The following SEMA3E variants were observed in gnomAD, a reference collection of about 807,000 sequenced individuals.
SEMA3E encodes the protein semaphorin-3E.
SEMA3E carries 49 observed loss-of-function variants against 93.6 expected under a neutral mutation model. That is an observed-to-expected ratio of 0.52 (90% confidence interval 0.42 to 0.66). The LOEUF is 0.66. Ranked by LOEUF, SEMA3E falls within the 30% of genes least tolerant of loss-of-function variation. The pLI is 0.00. For missense variants in SEMA3E, 906 were observed against 964.8 expected, an observed-to-expected ratio of 0.94 and a Z score of 0.81; for synonymous variants, 363 against 330.7, an observed-to-expected ratio of 1.10 and a Z score of -1.06.
chr7:83,506,025 A>AT, intron 1 of SEMA3E, among the ~76,000 whole-genome samples: 1 of 130,930 alleles, frequency 7.6e-6, no homozygotes. Flanking sequence ...CAAAAAAAAA[A>AT]AAAAAAAATA....
At chr7:83,535,368 T>G (rs551188188) in intron 1 of SEMA3E, among the ~76,000 whole-genome samples, 1 of 150,980 alleles carries the variant, frequency 6.6e-6, no homozygotes, top group East Asian at 2.0e-4. Flanking sequence ...ACCCATGCAA[T>G]TAAACATGAC....
chr7:83,623,568 G>A (rs912628639), intron 1 of SEMA3E, among the ~76,000 whole-genome samples: 1 of 150,632 alleles, frequency 6.6e-6, no homozygotes, highest in Admixed American at 6.6e-5. Flanking sequence ...TTTCTTAACT[G>A]TCAATAAAAG....
At chr7:83,502,603 G>A (rs1790617302) in intron 1 of SEMA3E, among the ~76,000 whole-genome samples, 1 of 152,064 alleles carries the variant, frequency 6.6e-6, no homozygotes, top group Non-Finnish European at 1.5e-5. Context: ...AAATAAATAA[G>A]CCTTCCCAGT....
At chr7:83,637,232 T>G (rs1439957465) in intron 1 of SEMA3E, among the ~76,000 whole-genome samples, 1 of 152,162 alleles carries the variant, frequency 6.6e-6, no homozygotes, top group African/African-American at 2.4e-5. Context: ...AAATTCATAC[T>G]TTATTTAGAT....
intron 11 of SEMA3E, among the ~76,000 whole-genome samples, chr7:83,398,966 A>G (rs3109785): frequency 0.57 from 86,701 of 151,838 alleles, 28,438 homozygotes; most frequent in East Asian, 0.85. Flanking sequence ...ACAAACCAAC[A>G]AAACAAAAAA....
chr7:83,557,606 AAAT>A (rs1324878677), intron 1 of SEMA3E, among the ~76,000 whole-genome samples: 10 of 152,256 alleles, frequency 6.6e-5, no homozygotes, highest in Admixed American at 6.5e-4. Flanking sequence ...GGTATTCAAA[AAAT>A]CATTTCACAG....
intron 2 of SEMA3E, among the ~76,000 whole-genome samples, chr7:83,488,865 AC>A (rs1790322054): frequency 6.6e-6 from 1 of 152,132 alleles, no homozygotes; most frequent in African/African-American, 2.4e-5. Flanking sequence ...GAGTATAAAA[AC>A]TTTTGTAGAG....
At chr7:83,528,451 G>A (rs3823899) in intron 1 of SEMA3E, among the ~76,000 whole-genome samples, 1 of 151,976 alleles carries the variant, frequency 6.6e-6, no homozygotes, top group Non-Finnish European at 1.5e-5. Context: ...CATGAAAATC[G>A]TTCAAGTAGT....
At chr7:83,373,240 A>C (rs1351394228) in intron 16 of SEMA3E, 1 of 152,172 alleles carries the variant, frequency 6.6e-6, no homozygotes, top group Non-Finnish European at 1.5e-5. Flanking sequence ...ATATGGTTCC[A>C]TACTTTCACA....
Position 83,406,573 on chromosome 7 carries a change from C to T in SEMA3E, c.814-514G>A, listed in dbSNP as rs565276231. The stretch of plus-strand genomic sequence containing the variant: ...ACATATTTATATGTAAATTTATTTT[C>T]GAACATCTTCTTAAATGGCAAGGTA... On this transcript the variant is annotated intron_variant, in intron 7 of 16. Coordinates refer to ENST00000643230, the MANE Select transcript of SEMA3E (RefSeq NM_012431.3). Among the ~76,000 whole-genome samples, 352 of 105,008 alleles carry T rather than the reference C, an allele frequency of 3.4e-3. 3 individuals are homozygous for T. The highest frequency in any genetic ancestry group is 8.6e-3 in the African/African-American group (335 of 38,996). The allele number at this position is 105,008 out of a possible 152,430, so 68.9% of individuals were successfully genotyped here.
chr7:83,627,595 C>A (rs1448301992), intron 1 of SEMA3E, among the ~76,000 whole-genome samples: 1 of 132,348 alleles, frequency 7.6e-6, no homozygotes, highest in South Asian at 2.5e-4. Context: ...GGTTTAAAGG[C>A]TGTTTTATCA....
intron 4 of SEMA3E, among the ~76,000 whole-genome samples, chr7:83,435,554 C>A (rs923918662): frequency 2.6e-5 from 4 of 151,990 alleles, no homozygotes; most frequent in African/African-American, 7.3e-5. Flanking sequence ...CGAGATCATG[C>A]CACTGCACTC....
At chr7:83,417,491 AAAG>A (rs1788577051) in intron 5 of SEMA3E, among the ~76,000 whole-genome samples, 1 of 152,150 alleles carries the variant, frequency 6.6e-6, no homozygotes, top group Non-Finnish European at 1.5e-5. Flanking sequence ...CATTTTCTGC[AAAG>A]AAGATGACCT....
chr7:83,634,792 A>G (rs962313292), intron 1 of SEMA3E, among the ~76,000 whole-genome samples: 1 of 152,072 alleles, frequency 6.6e-6, no homozygotes, highest in African/African-American at 2.4e-5. Flanking sequence ...CTAGTATTTT[A>G]TAGTCCTATC....
intron 2 of SEMA3E, among the ~76,000 whole-genome samples, chr7:83,487,749 AAG>A (rs1416776079): frequency 2.8e-5 from 4 of 145,194 alleles, no homozygotes; most frequent in East Asian, 4.1e-4. Flanking sequence ...GGAAGAGTGA[AAG>A]AGAGCAATTA....
intron 1 of SEMA3E, among the ~76,000 whole-genome samples, chr7:83,545,318 C>T (rs1249530446): frequency 6.6e-6 from 1 of 151,942 alleles, no homozygotes; most frequent in Non-Finnish European, 1.5e-5. Context: ...CTCCTGGGGC[C>T]ATGCCTTCCC....
intron 1 of SEMA3E, among the ~76,000 whole-genome samples, chr7:83,584,031 A>C (rs183475695): frequency 4.6e-5 from 7 of 152,278 alleles, no homozygotes; most frequent in African/African-American, 1.7e-4. Flanking sequence ...TTTGTGTGAA[A>C]TTAGGTAATA....
At chr7:83,604,592 T>C (rs559084189) in intron 1 of SEMA3E, among the ~76,000 whole-genome samples, 93 of 151,264 alleles carry the variant, frequency 6.1e-4, no homozygotes, top group African/African-American at 2.0e-3. Context: ...TATATATATA[T>C]ACACACACAC....
At chr7:83,538,713 G>T (rs1460408345) in intron 1 of SEMA3E, among the ~76,000 whole-genome samples, 1 of 152,052 alleles carries the variant, frequency 6.6e-6, no homozygotes, top group Non-Finnish European at 1.5e-5. Flanking sequence ...TTATATTGTT[G>T]TTGTTTGCTT....
Sources: allele counts gnomAD v4.1 joint callset (sites outside exome capture counted in the v4.1 genomes callset), GRCh38; gene constraint gnomAD v4.1.1; transcripts MANE v1.5; gene names NCBI Gene and HGNC (gene_info 2026-07-23, HGNC 2026-07-21).